SETBP1: variants seen among roughly 807,000 people sequenced by gnomAD.
SETBP1 encodes SET-binding protein.
A neutral mutation model predicts 101.0 loss-of-function variants in SETBP1; 9 were observed. That is an observed-to-expected ratio of 0.09 (90% CI 0.05 to 0.16). The LOEUF is 0.16. Ranked by LOEUF, SETBP1 falls within the 10% of genes least tolerant of loss-of-function variation. The pLI is 1.00. For synonymous variants in SETBP1, 818 were observed against 788.5 expected (o/e 1.04, Z -0.63); for missense variants, 1,858 against 2,033.8 (o/e 0.91, Z 1.66).
chr18:44,781,143 C>A (rs1458234443), intron 2 of SETBP1, among the ~76,000 whole-genome samples: 1 of 152,076 alleles, frequency 6.6e-6, no homozygotes, highest in Non-Finnish European at 1.5e-5. Flanking sequence ...TAGGGGTCTT[C>A]CCAACCCTCT....
chr18:45,049,074 G>A (rs1186770215), intron 5 of SETBP1, among the ~76,000 whole-genome samples: 1 of 150,118 alleles, frequency 6.7e-6, no homozygotes, highest in East Asian at 1.9e-4. Context: ...CAAAACATGA[G>A]ATGACCAAAT....
chr18:44,810,851 A>G (rs2071846790), intron 2 of SETBP1, among the ~76,000 whole-genome samples: 2 of 152,206 alleles, frequency 1.3e-5, no homozygotes, highest in African/African-American at 2.4e-5. Flanking sequence ...ATGTTGCCTC[A>G]CCCAGAAATT....
chr18:44,961,405 G>C (rs1335202179), intron 4 of SETBP1, among the ~76,000 whole-genome samples: 2 of 152,224 alleles, frequency 1.3e-5, no homozygotes, highest in African/African-American at 4.8e-5. Context: ...TGGACTGTGT[G>C]CCTAGGCTGA....
intron 5 of SETBP1, among the ~76,000 whole-genome samples, chr18:45,044,711 G>A (rs757673243): frequency 3.9e-5 from 6 of 152,012 alleles, no homozygotes; most frequent in Non-Finnish European, 7.4e-5. Flanking sequence ...AACTCCTTTG[G>A]GATTTCCACT....
intron 2 of SETBP1, among the ~76,000 whole-genome samples, chr18:44,772,541 T>C (rs2144640781): frequency 6.6e-6 from 1 of 152,216 alleles, no homozygotes; most frequent in Admixed American, 6.5e-5. Context: ...CCTGGGGGTA[T>C]TTTCATAAGA....
intron 3 of SETBP1, among the ~76,000 whole-genome samples, chr18:44,902,965 A>G (rs943177711): frequency 1.3e-5 from 2 of 152,168 alleles, no homozygotes; most frequent in African/African-American, 4.8e-5. Context: ...AAATAATACA[A>G]TGAACATCTA....
chr18:45,023,481 G>A (rs1240223790), intron 4 of SETBP1, among the ~76,000 whole-genome samples: 1 of 152,202 alleles, frequency 6.6e-6, no homozygotes, highest in Admixed American at 6.5e-5. Context: ...AGTAGGCACT[G>A]AAACTTTTAC....
chr18:44,846,767 C>T (rs570420991), intron 2 of SETBP1, among the ~76,000 whole-genome samples: 2 of 152,234 alleles, frequency 1.3e-5, no homozygotes, highest in Non-Finnish European at 2.9e-5. Context: ...TCCAAAGATA[C>T]TTACCAATTA....
intron 2 of SETBP1, among the ~76,000 whole-genome samples, chr18:44,729,353 A>T (rs1183128394): frequency 6.6e-6 from 1 of 152,310 alleles, no homozygotes; most frequent in South Asian, 2.1e-4. Context: ...CTTTGACATA[A>T]CGTAGGTGAG....
chr18:44,696,783 G>T (rs2069025465), intron 1 of SETBP1, among the ~76,000 whole-genome samples: 2 of 152,198 alleles, frequency 1.3e-5, no homozygotes, highest in African/African-American at 2.4e-5. Flanking sequence ...GTGGGTAAAA[G>T]ACTCATAGTG....
chr18:45,067,725 T>C lies in SETBP1; in HGVS notation c.*4027T>C, dbSNP rs1244434198. The C allele has an allele frequency of 3.3e-5, 5 of 152,224 alleles. No homozygotes were observed. The highest frequency in any genetic ancestry group is 9.7e-5 in the African/African-American group (4 of 41,448). The allele number at this position is 152,224 out of a possible 1,614,324, so 9.4% of individuals were successfully genotyped here. ...TACAAGGTCCTCTCTGCCTCTTGTT[T>C]CTTGGAGAGTTCACCCCACTGATGA... On this transcript the variant is annotated 3_prime_UTR_variant, in exon 6 of 6. Transcript: ENST00000649279.
intron 4 of SETBP1, among the ~76,000 whole-genome samples, chr18:45,001,039 T>G (rs989333555): frequency 6.6e-6 from 1 of 152,186 alleles, no homozygotes; most frequent in African/African-American, 2.4e-5. Context: ...CATTCATTCA[T>G]TCATCCATTT....
At chr18:44,887,482 T>TTA (rs909104586) in intron 3 of SETBP1, among the ~76,000 whole-genome samples, 5 of 152,214 alleles carry the variant, frequency 3.3e-5, no homozygotes, top group Admixed American at 3.3e-4. Flanking sequence ...ATGAACAAGA[T>TTA]TACCTGGGAA....
At chr18:44,728,125 C>G (rs987220151) in intron 2 of SETBP1, among the ~76,000 whole-genome samples, 2 of 152,212 alleles carry the variant, frequency 1.3e-5, no homozygotes, top group African/African-American at 4.8e-5. Flanking sequence ...TTCTGAGAGA[C>G]AGAATAATGC....
At chr18:44,896,385 A>G (rs192208003) in intron 3 of SETBP1, among the ~76,000 whole-genome samples, 1 of 152,268 alleles carries the variant, frequency 6.6e-6, no homozygotes, top group East Asian at 1.9e-4. Context: ...TACTTTCATC[A>G]TTAGTCTCTT....
At chr18:44,999,537 C>T (rs978270400) in intron 4 of SETBP1, among the ~76,000 whole-genome samples, 2 of 152,160 alleles carry the variant, frequency 1.3e-5, no homozygotes, top group African/African-American at 4.8e-5. Flanking sequence ...AGAGTACATC[C>T]ATGTCACTGG....
chr18:44,814,549 T>C (rs2071936301), intron 2 of SETBP1, among the ~76,000 whole-genome samples: 1 of 152,226 alleles, frequency 6.6e-6, no homozygotes, highest in African/African-American at 2.4e-5. Context: ...AAGTAGGAGC[T>C]TCTAGTGATA....
chr18:44,718,476 AAG>A (rs34880717), intron 2 of SETBP1, among the ~76,000 whole-genome samples: 22,379 of 149,938 alleles, frequency 0.15, 1,927 homozygotes, highest in East Asian at 0.23. Flanking sequence ...CCTAGTAGCA[AAG>A]AGAGAGAGAG....
At chr18:44,737,172 C>A (rs1232158403) in intron 2 of SETBP1, among the ~76,000 whole-genome samples, 1 of 152,214 alleles carries the variant, frequency 6.6e-6, no homozygotes, top group African/African-American at 2.4e-5. Context: ...TTGCTAGAGG[C>A]CTGTGTTGAG....
Sources: gnomAD v4.1 joint callset for allele counts (sites outside exome capture counted in the v4.1 genomes callset) on GRCh38, gnomAD v4.1.1 for gene constraint, MANE v1.5 for transcripts, NCBI Gene and HGNC (gene_info 2026-07-23, HGNC 2026-07-21) for gene names.